The following RNLS variants were observed in gnomAD, a reference collection of about 807,000 sequenced individuals.
RNLS encodes renalase.
In RNLS, 39 loss-of-function variants were observed where a neutral mutation model predicts 39.8. That is an observed-to-expected ratio of 0.98 (90% CI 0.76 to 1.28). RNLS has a LOEUF of 1.28. Ranked by LOEUF, RNLS falls within the 50% of genes most tolerant of loss-of-function variation. The pLI is 0.00. For missense variants in RNLS, 410 were observed against 413.3 expected (o/e 0.99, Z 0.07); for synonymous variants, 147 against 150.7 (o/e 0.98, Z 0.18).
chr10:88,516,989 T>G (rs1846438508), intron 4 of RNLS, among the ~76,000 whole-genome samples: 1 of 152,008 alleles, frequency 6.6e-6, no homozygotes, highest in Admixed American at 6.6e-5. Flanking sequence ...CTAGTTTTCA[T>G]TTCAAAATAT....
At chr10:88,271,152 A>AG (rs1842640666), downstream of RNLS, among the ~76,000 whole-genome samples, 1 of 152,230 alleles carries the variant, frequency 6.6e-6, no homozygotes, top group Admixed American at 6.5e-5. Context: ...CACAGAATCA[A>AG]GCATTTCAGT....
the RNLS span, among the ~76,000 whole-genome samples, chr10:88,265,323 CTTTTTTTTTTTTTT>C: frequency 7.6e-4 from 45 of 59,074 alleles, 1 homozygote; most frequent in Admixed American, 3.1e-3. Context: ...CAGGGTTTTT[CTTTTTTTTTTTTTT>C]TTTTTTTTTT....
intron 5 of RNLS, among the ~76,000 whole-genome samples, chr10:88,344,605 G>T (rs1848187063): frequency 1.3e-5 from 2 of 151,904 alleles, no homozygotes; most frequent in African/African-American, 4.8e-5. Context: ...TAAACAAATA[G>T]GCATTTTATT....
At chr10:88,403,566 T>C (rs541800691) in intron 4 of RNLS, among the ~76,000 whole-genome samples, 10 of 152,186 alleles carry the variant, frequency 6.6e-5, no homozygotes, top group Non-Finnish European at 1.0e-4. Flanking sequence ...ATGTTGACAA[T>C]TGCTGAATCT....
intron 4 of RNLS, among the ~76,000 whole-genome samples, chr10:88,568,927 C>T (rs1264218993): frequency 1.3e-5 from 2 of 152,118 alleles, no homozygotes; most frequent in South Asian, 2.1e-4. Context: ...GTAAAAAATG[C>T]AAATTGTCCA....
chr10:88,496,429 C>T lies in RNLS; in HGVS notation c.526+76474G>A, dbSNP rs74509409. On this transcript the variant is annotated intron_variant, in intron 4 of 6. Coordinates refer to ENST00000331772, the MANE Select transcript of RNLS (RefSeq NM_001031709.3). Reference sequence around the variant, plus strand: ...GCAGAAGGAAGAAGCAGTGGCCTGACGCTTTACTTCTTCAGACACTGAAAT... The same window carrying T: ...GCAGAAGGAAGAAGCAGTGGCCTGATGCTTTACTTCTTCAGACACTGAAAT... Among the ~76,000 whole-genome samples, 518 of 152,256 alleles carry T rather than the reference C, an allele frequency of 3.4e-3. 1 individual carries two copies. The highest frequency in any genetic ancestry group is 0.02 in the Middle Eastern group (6 of 294).
At chr10:88,333,043 T>TA (rs1215599096) in intron 5 of RNLS, among the ~76,000 whole-genome samples, 1 of 152,206 alleles carries the variant, frequency 6.6e-6, no homozygotes, top group African/African-American at 2.4e-5. Flanking sequence ...TCCCTGCCTG[T>TA]ATGACTTTAG....
chr10:88,515,527 C>T (rs1163336391), intron 4 of RNLS, among the ~76,000 whole-genome samples: 1 of 152,086 alleles, frequency 6.6e-6, no homozygotes. Flanking sequence ...TCCTTAACTC[C>T]TCAAGGCTGG....
At chr10:88,576,975 ACT>A (rs1324670563) in intron 3 of RNLS, among the ~76,000 whole-genome samples, 1 of 152,116 alleles carries the variant, frequency 6.6e-6, no homozygotes, top group Admixed American at 6.6e-5. Flanking sequence ...AAAGCTGCTC[ACT>A]CTGTGTCCTG....
chr10:88,566,651 C>T (rs1305233259), intron 4 of RNLS, among the ~76,000 whole-genome samples: 1 of 152,040 alleles, frequency 6.6e-6, no homozygotes, highest in Non-Finnish European at 1.5e-5. Flanking sequence ...TTGAAAATTA[C>T]ATGGATGACA....
At chr10:88,239,199 G>C in the RNLS span, among the ~76,000 whole-genome samples, 2 of 152,158 alleles carry the variant, frequency 1.3e-5, no homozygotes, top group Non-Finnish European at 2.9e-5. Flanking sequence ...GCCAGCACAT[G>C]TCGAGGCCTG....
chr10:88,382,331 A>AAAT (rs1472850309), intron 4 of RNLS, among the ~76,000 whole-genome samples: 1 of 152,148 alleles, frequency 6.6e-6, no homozygotes, highest in African/African-American at 2.4e-5. Context: ...TATGCTAAAA[A>AAAT]AATACAATAT....
chr10:88,231,942 C>CTGTGTG, the RNLS span, among the ~76,000 whole-genome samples: 9,772 of 149,704 alleles, frequency 0.065, 380 homozygotes, highest in South Asian at 0.19. Context: ...CACAGGATTT[C>CTGTGTG]TGTGTGTGTG....
chr10:88,559,010 G>T (rs1054831465), intron 4 of RNLS, among the ~76,000 whole-genome samples: 15 of 152,036 alleles, frequency 9.9e-5, no homozygotes, highest in African/African-American at 3.4e-4. Flanking sequence ...CAGGACTTTC[G>T]TTCTTTGTGC....
At chr10:88,245,906 T>G in the RNLS span, among the ~76,000 whole-genome samples, 2 of 152,214 alleles carry the variant, frequency 1.3e-5, no homozygotes, top group African/African-American at 2.4e-5. Flanking sequence ...TTTTTCTTTC[T>G]GTTTATCTTT....
intron 4 of RNLS, among the ~76,000 whole-genome samples, chr10:88,402,110 C>A (rs1852959734): frequency 6.6e-6 from 1 of 151,910 alleles, no homozygotes; most frequent in African/African-American, 2.4e-5. Flanking sequence ...ATTTTTTTAT[C>A]ATGCCTTTCA....
chr10:88,514,673 T>C (rs1846314271), intron 4 of RNLS, among the ~76,000 whole-genome samples: 2 of 152,212 alleles, frequency 1.3e-5, no homozygotes, highest in Non-Finnish European at 1.5e-5. Context: ...GTATATGTCC[T>C]TTTATGGCAT....
chr10:88,494,343 T>C (rs1845050974), intron 4 of RNLS, among the ~76,000 whole-genome samples: 1 of 152,120 alleles, frequency 6.6e-6, no homozygotes, highest in African/African-American at 2.4e-5. Context: ...CAGTAAGACA[T>C]TTTCTTCAGT....
At chr10:88,239,342 G>A in the RNLS span, among the ~76,000 whole-genome samples, 13 of 152,176 alleles carry the variant, frequency 8.5e-5, no homozygotes, top group East Asian at 1.9e-4. Flanking sequence ...GCAGGAGACT[G>A]CTCCTGGCAG....
Sources: gnomAD v4.1 joint callset for allele counts (sites outside exome capture counted in the v4.1 genomes callset) on GRCh38, gnomAD v4.1.1 for gene constraint, MANE v1.5 for transcripts, NCBI Gene and HGNC (gene_info 2026-07-23, HGNC 2026-07-21) for gene names.